Variants in NLGN1 observed in about 807,000 individuals in gnomAD.
NLGN1 encodes neuroligin 1.
Under a neutral mutation model 65.5 loss-of-function variants are expected in NLGN1, and 12 were observed. The ratio of observed to expected loss-of-function variants is 0.18; its 90% confidence interval spans 0.12 to 0.30. NLGN1 has a LOEUF of 0.30. Among genes scored for constraint, NLGN1 ranks in the 10% least tolerant of loss-of-function variants. The pLI is 1.00. For synonymous variants in NLGN1, 350 were observed against 359.5 expected, an observed-to-expected ratio of 0.97 and a Z score of 0.30; for missense variants, 750 against 1,007.1, an observed-to-expected ratio of 0.74 and a Z score of 3.46.
chr3:174,061,668 A>T (rs766567136), intron 4 of NLGN1, among the ~76,000 whole-genome samples: 3 of 152,206 alleles, frequency 2.0e-5, no homozygotes, highest in Non-Finnish European at 2.9e-5. Context: ...AACAGAATTA[A>T]TTAAAATGAT....
chr3:173,637,214 AT>A (rs1357487328), intron 3 of NLGN1, among the ~76,000 whole-genome samples: 1 of 152,172 alleles, frequency 6.6e-6, no homozygotes, highest in Non-Finnish European at 1.5e-5. Flanking sequence ...GAGGCCTACT[AT>A]GGAATGAGTA....
At chr3:173,573,830 G>C (rs1025895248) in intron 2 of NLGN1, among the ~76,000 whole-genome samples, 2 of 151,614 alleles carry the variant, frequency 1.3e-5, no homozygotes, top group African/African-American at 2.4e-5. Context: ...TAAGGAGACT[G>C]AGGTGGTCGG....
intron 3 of NLGN1, among the ~76,000 whole-genome samples, chr3:173,715,993 A>G (rs892338472): frequency 1.3e-5 from 2 of 152,176 alleles, no homozygotes; most frequent in Admixed American, 6.6e-5. Context: ...TATTTGGATG[A>G]TATTAAAAAT....
At chr3:174,076,679 T>TAA (rs1177520763) in intron 4 of NLGN1, among the ~76,000 whole-genome samples, 6 of 92,886 alleles carry the variant, frequency 6.5e-5, no homozygotes, top group African/African-American at 2.8e-4. Flanking sequence ...TCTGGGACCA[T>TAA]AGAGAGAGAG....
chr3:173,876,460 T>C (rs1323620339), intron 4 of NLGN1, among the ~76,000 whole-genome samples: 2 of 152,154 alleles, frequency 1.3e-5, no homozygotes, highest in Non-Finnish European at 2.9e-5. Context: ...GAATAATTAA[T>C]GAGGAGACTA....
chr3:173,879,955 C>T (rs185646728), intron 4 of NLGN1, among the ~76,000 whole-genome samples: 30 of 152,166 alleles, frequency 2.0e-4, no homozygotes, highest in East Asian at 1.4e-3. Context: ...ATTTTGCAGA[C>T]GGAAAATTAT....
rs148950212 is a variant in NLGN1 at position 173,490,581 on chromosome 3, T to C, written c.-321+55503T>C. Among the ~76,000 whole-genome samples the C allele has an allele frequency of 6.6e-3, 1,001 of 152,326 alleles. 8 individuals carry two copies. The highest frequency in any genetic ancestry group is 0.02 in the Middle Eastern group (6 of 294). ...AAGATTGACTTGGCAATGTGGGCTC[T>C]TTTGTGGTTCCATATGAACTTTAAA... On this transcript the variant is annotated intron_variant, in intron 2 of 6. Coordinates refer to ENST00000457714, the Ensembl canonical transcript of NLGN1.
chr3:173,883,086 T>C (rs1733645018), intron 4 of NLGN1, among the ~76,000 whole-genome samples: 2 of 150,906 alleles, frequency 1.3e-5, no homozygotes, highest in South Asian at 4.2e-4. Flanking sequence ...CTGGGCTGTT[T>C]AGTGCAAGAG....
rs79684936 is a variant in NLGN1 at position 173,541,477 on chromosome 3, G to A, written c.-320-62802G>A. ...TATCATTTCTTATTCTATAAAATGG[G>A]GATTCAGTGCATATTGTCTATGATT... On this transcript the variant is annotated intron_variant, in intron 2 of 6. Coordinates refer to ENST00000457714, the Ensembl canonical transcript of NLGN1. Among the ~76,000 whole-genome samples the A allele has an allele frequency of 5.4e-3, 825 of 152,164 alleles. 20 individuals carry two copies. The South Asian group carries it at 0.059, about 11-fold the overall frequency.
intron 4 of NLGN1, among the ~76,000 whole-genome samples, chr3:174,059,207 G>A (rs1736848724): frequency 6.6e-6 from 1 of 152,042 alleles, no homozygotes; most frequent in Non-Finnish European, 1.5e-5. Context: ...GGTAAATGGT[G>A]CAATCTAGTA....
intron 4 of NLGN1, among the ~76,000 whole-genome samples, chr3:174,062,048 T>C (rs551956330): frequency 1.4e-4 from 21 of 152,204 alleles, no homozygotes; most frequent in African/African-American, 4.8e-4. Context: ...ATGTGAATGC[T>C]TGGGGGGGAA....
chr3:174,103,101 GTTGTAC>G (rs1712915829), intron 4 of NLGN1, among the ~76,000 whole-genome samples: 1 of 152,200 alleles, frequency 6.6e-6, no homozygotes, highest in Non-Finnish European at 1.5e-5. Context: ...TCAGCTTGCA[GTTGTAC>G]TTGTAACTTC....
intron 4 of NLGN1, among the ~76,000 whole-genome samples, chr3:174,264,903 A>T (rs1747723736): frequency 6.6e-6 from 1 of 151,942 alleles, no homozygotes; most frequent in African/African-American, 2.4e-5. Flanking sequence ...CTTCTAACAG[A>T]GAGGACCCTC....
intron 3 of NLGN1, among the ~76,000 whole-genome samples, chr3:173,650,282 T>C (rs1017214055): frequency 5.9e-5 from 9 of 152,166 alleles, no homozygotes; most frequent in Non-Finnish European, 1.3e-4. Context: ...TTCACTATTT[T>C]GCCTTTCCAA....
Position 173,951,331 on chromosome 3 carries a change from T to C in NLGN1, c.646+143499T>C, listed in dbSNP as rs139470093. On this transcript the variant is annotated intron_variant, in intron 4 of 6. Transcript: ENST00000457714. The stretch of plus-strand genomic sequence containing the variant: ...TCATCTGATAAAATCAGACTCCGGT[T>C]AAGACCTGTGTTCAACCTTTTTAGC... Among the ~76,000 whole-genome samples the C allele has an allele frequency of 6.8e-3, 1,041 of 152,348 alleles. 17 individuals are homozygous for C. The highest frequency in any genetic ancestry group is 0.023 in the South Asian group (113 of 4,826).
At chr3:174,250,007 A>G (rs1744488198) in intron 4 of NLGN1, among the ~76,000 whole-genome samples, 1 of 152,216 alleles carries the variant, frequency 6.6e-6, no homozygotes, top group African/African-American at 2.4e-5. Flanking sequence ...AGATACTGAG[A>G]AGAGTAGGAA....
chr3:174,037,852 T>C (rs1468686190), intron 4 of NLGN1, among the ~76,000 whole-genome samples: 4 of 151,206 alleles, frequency 2.6e-5, no homozygotes, highest in African/African-American at 7.3e-5. Flanking sequence ...ATTTAAACAA[T>C]ACAAAATTAC....
intron 4 of NLGN1, among the ~76,000 whole-genome samples, chr3:173,998,060 A>G (rs1004453283): frequency 2.6e-5 from 4 of 152,160 alleles, no homozygotes; most frequent in South Asian, 2.1e-4. Context: ...GCTAACCTTC[A>G]CAGTCTGCAA....
chr3:173,660,735 A>G (rs1208535575), intron 3 of NLGN1, among the ~76,000 whole-genome samples: 4 of 151,930 alleles, frequency 2.6e-5, no homozygotes. Flanking sequence ...CTAGTATAAA[A>G]TGAAAAAAAT....
Sources: gnomAD v4.1 joint callset for allele counts (sites outside exome capture counted in the v4.1 genomes callset) on GRCh38, gnomAD v4.1.1 for gene constraint, MANE v1.5 for transcripts, NCBI Gene and HGNC (gene_info 2026-07-23, HGNC 2026-07-21) for gene names.